The following PLXNA4 variants were observed in gnomAD, a reference collection of about 807,000 sequenced individuals.
PLXNA4 encodes the protein plexin A4, also known as plexin-A4.
PLXNA4 carries 44 observed loss-of-function variants against 191.8 expected under a neutral mutation model. The observed-to-expected ratio is 0.23, with a 90% CI of 0.18 to 0.29. The LOEUF (loss-of-function observed/expected upper bound fraction) is 0.29. Ranked by LOEUF, PLXNA4 falls within the 10% of genes least tolerant of loss-of-function variation. The probability of loss-of-function intolerance (pLI) is 1.00; values close to 1 mark genes in which losing one functional copy is unlikely to be tolerated. For synonymous variants in PLXNA4, 1,082 were observed against 1,009.5 expected, an observed-to-expected ratio of 1.07 and a Z score of -1.36; for missense variants, 1,800 against 2,488.8, an observed-to-expected ratio of 0.72 and a Z score of 5.89.
intron 3 of PLXNA4, among the ~76,000 whole-genome samples, chr7:132,325,037 A>T (rs1184762048): frequency 6.6e-6 from 1 of 151,766 alleles, no homozygotes; most frequent in East Asian, 1.9e-4. Flanking sequence ...CTTTCACAAC[A>T]CTCCTGTAAC....
At chr7:132,449,070 A>G (rs185535524) in intron 3 of PLXNA4, among the ~76,000 whole-genome samples, 78 of 152,318 alleles carry the variant, frequency 5.1e-4, no homozygotes, top group African/African-American at 1.8e-3. Context: ...AGATGTCAAG[A>G]CTTTTCAAAT....
At position 132,147,801 on chromosome 7, in the gene PLXNA4, C is replaced by A. The variant is rs140139672; in HGVS notation, c.4864+99G>T. The A allele has an allele frequency of 4.2e-3, 6,386 of 1,506,570 alleles. 29 individuals are homozygous for A. Among genetic ancestry groups the A allele is most frequent in the Non-Finnish European group, 4.8e-3 (5,316 of 1,102,946 alleles). 93.3% of individuals were successfully genotyped at this position (1,506,570 alleles called of 1,614,324 possible). On this transcript the variant is annotated intron_variant, in intron 27 of 31. Coordinates refer to ENST00000321063, the MANE Select transcript of PLXNA4 (RefSeq NM_020911.2). ...GGTCAGCCTGTCTGATGCCCCATCT[C>A]CCCTCTCCAAGAGTCTCCTGCCTTC...
intron 3 of PLXNA4, among the ~76,000 whole-genome samples, chr7:132,424,466 T>C (rs1361021278): frequency 6.6e-6 from 1 of 152,122 alleles, no homozygotes; most frequent in Non-Finnish European, 1.5e-5. Context: ...TCTTCATCCT[T>C]CTGTAGGGAC....
chr7:132,397,967 A>G (rs561477132), intron 3 of PLXNA4, among the ~76,000 whole-genome samples: 6 of 152,264 alleles, frequency 3.9e-5, no homozygotes, highest in Non-Finnish European at 5.9e-5. Context: ...AGGCTTTGCC[A>G]TCTCACTATG....
upstream of PLXNA4, among the ~76,000 whole-genome samples, chr7:132,578,671 C>G (rs1192155055): frequency 4.6e-5 from 7 of 152,106 alleles, no homozygotes; most frequent in Admixed American, 4.6e-4. Context: ...ACTTTGCTCT[C>G]ACCAATGAGA....
rs557542689 is a variant in PLXNA4, at chr7:132,385,322, TTA to T, written c.1372-87102_1372-87101del. On this transcript the variant is annotated intron_variant, in intron 3 of 31. Coordinates refer to ENST00000321063, the MANE Select transcript of PLXNA4 (RefSeq NM_020911.2). Reference sequence around the variant, plus strand: ...TGGAAAAGATGAAACCTTAGCAGACTTAGACCATGGTGCACAAGATATGCCCA... The same window carrying T: ...TGGAAAAGATGAAACCTTAGCAGACTGACCATGGTGCACAAGATATGCCCA... 3.7e-5 allele frequency: 59 copies of T among 1,597,426 alleles called. 1 individual carries two copies. The African/African-American group carries it at 7.7e-4, about 21-fold the overall frequency.
At chr7:132,360,288 C>T (rs1803883112) in intron 3 of PLXNA4, among the ~76,000 whole-genome samples, 1 of 152,162 alleles carries the variant, frequency 6.6e-6, no homozygotes, top group Admixed American at 6.5e-5. Context: ...GTCCCTCATC[C>T]ACATGAAGCT....
intron 3 of PLXNA4, among the ~76,000 whole-genome samples, chr7:132,411,827 C>T (rs1794470161): frequency 6.6e-6 from 1 of 152,156 alleles, no homozygotes; most frequent in South Asian, 2.1e-4. Context: ...TCATTCACAT[C>T]GATATTTATG....
intron 18 of PLXNA4, 124 bp from the exon 19 acceptor site, chr7:132,180,856 G>T: frequency 6.9e-7 from 1 of 1,440,878 alleles, no homozygotes; most frequent in Non-Finnish European, 9.2e-7. Context: ...GCCACCTTTG[G>T]TAATAAGTGC....
chr7:132,400,959 GA>G (rs1487882772), intron 3 of PLXNA4, among the ~76,000 whole-genome samples: 1 of 152,128 alleles, frequency 6.6e-6, no homozygotes, highest in Non-Finnish European at 1.5e-5. Context: ...TTTCATTCCC[GA>G]GCCCTGCAAA....
chr7:132,353,540 A>G (rs1236357335), intron 3 of PLXNA4, among the ~76,000 whole-genome samples: 1 of 152,024 alleles, frequency 6.6e-6, no homozygotes, highest in Admixed American at 6.6e-5. Context: ...TTCTCCTCCT[A>G]ATACATATTA....
intron 1 of PLXNA4, among the ~76,000 whole-genome samples, chr7:132,548,837 G>A (rs1290929564): frequency 6.6e-6 from 1 of 152,114 alleles, no homozygotes; most frequent in East Asian, 1.9e-4. Context: ...AACAGGATGT[G>A]GTGAAGAAGC....
chr7:132,573,303 G>A (rs1336590445), intron 1 of PLXNA4, among the ~76,000 whole-genome samples: 1 of 152,168 alleles, frequency 6.6e-6, no homozygotes, highest in African/African-American at 2.4e-5. Flanking sequence ...CCACCACAGA[G>A]CCGCTCCAAC....
chr7:132,146,608 G>T lies in PLXNA4; in HGVS notation c.4957C>A (p.His1653Asn). The change falls in exon 28 of 32, where the codon CAC becomes AAC. Residue 1653 changes from histidine to asparagine, a missense_variant. His to Asn is a moderately conservative substitution (Grantham distance 68, BLOSUM62 1). Around this residue, in one of 6 missense-constraint regions of PLXNA4, gnomAD observed 214 missense variants for 298.2 expected, o/e 0.72. Transcript: ENST00000321063. ...PDLESGVKMW[H>N]LVKNHEHGDQ... ...CCGTGCTCGTGGTTCTTCACTAGGTGCCACATCTTGACTCCACTCTCCAGG... is the reference window on the plus strand; with the variant it reads ...CCGTGCTCGTGGTTCTTCACTAGGTTCCACATCTTGACTCCACTCTCCAGG... 6.2e-7 allele frequency: 1 copy of T among 1,614,156 alleles called. No homozygotes were observed. Among genetic ancestry groups the T allele is most frequent in the Non-Finnish European group, 8.5e-7 (1 of 1,180,026 alleles).
chr7:132,366,765 T>TA (rs984102314), intron 3 of PLXNA4, among the ~76,000 whole-genome samples: 6 of 152,184 alleles, frequency 3.9e-5, no homozygotes, highest in Non-Finnish European at 7.3e-5. Flanking sequence ...TTTAATTATT[T>TA]AAAAAAACTT....
At chr7:132,141,812 C>T (rs1363839878) in intron 29 of PLXNA4, among the ~76,000 whole-genome samples, 2 of 152,206 alleles carry the variant, frequency 1.3e-5, no homozygotes, top group Non-Finnish European at 1.5e-5. Flanking sequence ...TCATTGCAAC[C>T]TCTGCCTCCT....
At chr7:132,335,184 T>A (rs1802767768) in intron 3 of PLXNA4, among the ~76,000 whole-genome samples, 1 of 152,224 alleles carries the variant, frequency 6.6e-6, no homozygotes, top group African/African-American at 2.4e-5. Context: ...CTAAGCACAG[T>A]CTTCATAGCT....
At chr7:132,644,405 C>G (rs1803814792) in intron 2 of PLXNA4, among the ~76,000 whole-genome samples, 2 of 152,208 alleles carry the variant, frequency 1.3e-5, no homozygotes, top group Non-Finnish European at 2.9e-5. Context: ...CCAAAGCAAA[C>G]AATAGACTTG....
intron 3 of PLXNA4, among the ~76,000 whole-genome samples, chr7:132,360,743 T>G (rs896179604): frequency 6.6e-6 from 1 of 152,148 alleles, no homozygotes. Context: ...TGCGTGCTTG[T>G]AGAGAGAGAG....
Sources: allele counts gnomAD v4.1 joint callset (sites outside exome capture counted in the v4.1 genomes callset), GRCh38; gene constraint gnomAD v4.1.1; regional missense constraint gnomAD v4.1.1; transcripts MANE v1.5; gene names NCBI Gene and HGNC (gene_info 2026-07-23, HGNC 2026-07-21).